SCARA3: variants seen among roughly 807,000 people sequenced by gnomAD.
SCARA3 encodes the protein scavenger receptor class A member 3, also known as cellular stress response gene protein.
Under a neutral mutation model 47.0 loss-of-function variants are expected in SCARA3, and 39 were observed. The observed-to-expected ratio is 0.83, with a 90% CI of 0.64 to 1.08. SCARA3 has a LOEUF of 1.08. Among genes scored for constraint, SCARA3 ranks in the 50% least tolerant of loss-of-function variants. The pLI is 0.00. For synonymous variants in SCARA3, 356 were observed against 334.1 expected, an observed-to-expected ratio of 1.07 and a Z score of -0.71; for missense variants, 724 against 792.3, an observed-to-expected ratio of 0.91 and a Z score of 1.04.
In SCARA3 at chr8:27,672,820, G is replaced by C; in HGVS notation, c.*1469G>C. The C allele has an allele frequency of 1.0e-6, 1 of 985,672 alleles. No individual in the cohort carries two copies. Among genetic ancestry groups the C allele is most frequent in the Non-Finnish European group, 1.2e-6 (1 of 830,110 alleles). The allele number at this position is 985,672 out of a possible 1,614,324, so 61.1% of individuals were successfully genotyped here. On this transcript the variant is annotated 3_prime_UTR_variant, in exon 6 of 6. Transcript: ENST00000301904. ...ACCCCCTCCACCGCCCGCAAGGTTA[G>C]GGCATAGAGTTGTCTCCTTCCCAAC...
At chr8:27,712,558 G>A in the SCARA3 span, among the ~76,000 whole-genome samples, 3 of 49,856 alleles carry the variant, frequency 6.0e-5, no homozygotes, top group Non-Finnish European at 1.1e-4. Context: ...GCGAGACTCC[G>A]TCTCAAAAAA....
At chr8:27,727,076 G>A in the SCARA3 span, among the ~76,000 whole-genome samples, 1 of 152,164 alleles carries the variant, frequency 6.6e-6, no homozygotes, top group Middle Eastern at 3.4e-3. Context: ...GCGCCCAGCC[G>A]ACAGCATTTA....
downstream of SCARA3, among the ~76,000 whole-genome samples, chr8:27,678,812 C>A (rs1383246063): frequency 6.6e-6 from 1 of 152,130 alleles, no homozygotes; most frequent in Non-Finnish European, 1.5e-5. Context: ...AAATTTTAGC[C>A]AATCAAATGC....
the SCARA3 span, among the ~76,000 whole-genome samples, chr8:27,706,606 G>C: frequency 6.6e-6 from 1 of 152,174 alleles, no homozygotes; most frequent in Non-Finnish European, 1.5e-5. Flanking sequence ...GAGGGAAGCT[G>C]TTGGAGGGAT....
At chr8:27,726,106 A>G in the SCARA3 span, among the ~76,000 whole-genome samples, 6 of 152,172 alleles carry the variant, frequency 3.9e-5, no homozygotes, top group South Asian at 2.1e-4. Flanking sequence ...CAACCTCCAC[A>G]GGCTATGAGT....
Position 27,658,908 on chromosome 8 carries a change from G to C in SCARA3, c.738G>C (p.Leu246=). ...GIQRKTDEET[L]TLQKIVTDWQ... is the part of the protein sequence containing the mutation. ...AGCGGAAGACAGACGAGGAGACCCT[G>C]ACCCTCCAGAAGATTGTCACCGACT... The change falls in exon 5 of 6, where the codon CTG becomes CTC. Residue 246 remains leucine, a synonymous_variant. Transcript: ENST00000301904. 1.9e-6 allele frequency: 3 copies of C among 1,614,156 alleles called. No homozygotes were observed. Among genetic ancestry groups the C allele is most frequent in the Non-Finnish European group, 1.7e-6 (2 of 1,180,026 alleles).
intron 3 of SCARA3, among the ~76,000 whole-genome samples, chr8:27,654,712 C>A (rs1373984656): frequency 6.6e-6 from 1 of 151,384 alleles, no homozygotes; most frequent in Non-Finnish European, 1.5e-5. Flanking sequence ...ATCACTTGAG[C>A]CCAGAAGATT....
the SCARA3 span, among the ~76,000 whole-genome samples, chr8:27,694,984 G>A: frequency 4.6e-5 from 7 of 152,116 alleles, no homozygotes; most frequent in East Asian, 1.9e-4. Flanking sequence ...TGAGGGTTTC[G>A]ATGCACATGC....
At chr8:27,704,374 A>T in the SCARA3 span, among the ~76,000 whole-genome samples, 1 of 152,136 alleles carries the variant, frequency 6.6e-6, no homozygotes, top group Non-Finnish European at 1.5e-5. Context: ...TGAGCCCAGG[A>T]AGTCAAGGCT....
At chr8:27,653,877 G>T (rs746935799) in intron 3 of SCARA3, among the ~76,000 whole-genome samples, 7 of 152,080 alleles carry the variant, frequency 4.6e-5, no homozygotes, top group Non-Finnish European at 4.4e-5. Flanking sequence ...AGGCTACATA[G>T]TAAATATTTT....
chr8:27,638,552 T>C (rs1364994975), intron 1 of SCARA3, among the ~76,000 whole-genome samples: 1 of 152,170 alleles, frequency 6.6e-6, no homozygotes, highest in Non-Finnish European at 1.5e-5. Context: ...GTCTGTTCAG[T>C]GTGCACATCT....
At chr8:27,657,540 CT>C (rs10548067) in intron 4 of SCARA3, among the ~76,000 whole-genome samples, 14,644 of 94,372 alleles carry the variant, frequency 0.16, 667 homozygotes, top group Middle Eastern at 0.24. Context: ...TGTATTCAAC[CT>C]TTTTTTTTTT....
chr8:27,692,085 C>T, the SCARA3 span, among the ~76,000 whole-genome samples: 7 of 152,106 alleles, frequency 4.6e-5, no homozygotes, highest in African/African-American at 1.7e-4. Context: ...TACCCTCCTC[C>T]CTTTGGAATT....
chr8:27,645,465 T>C (rs1801473587), intron 1 of SCARA3, among the ~76,000 whole-genome samples: 1 of 152,252 alleles, frequency 6.6e-6, no homozygotes, highest in African/African-American at 2.4e-5. Context: ...GGAAAGGTCT[T>C]GTCCCAGTTC....
chr8:27,674,066 A>C (rs1449569200), downstream of SCARA3, among the ~76,000 whole-genome samples: 1 of 152,138 alleles, frequency 6.6e-6, no homozygotes, highest in Non-Finnish European at 1.5e-5. Flanking sequence ...CTCCTACCAC[A>C]TATTTCTTGG....
chr8:27,669,055 AC>A (rs903588480), intron 5 of SCARA3, among the ~76,000 whole-genome samples: 4 of 152,066 alleles, frequency 2.6e-5, no homozygotes, highest in Non-Finnish European at 4.4e-5. Context: ...GAACTTGTCC[AC>A]CCAGAAGGCG....
At chr8:27,709,996 T>A in the SCARA3 span, among the ~76,000 whole-genome samples, 1 of 152,086 alleles carries the variant, frequency 6.6e-6, no homozygotes, top group South Asian at 2.1e-4. Context: ...TTTGGGAGGC[T>A]AAGGGGGGCG....
At chr8:27,728,157 G>A in the SCARA3 span, among the ~76,000 whole-genome samples, 1 of 152,240 alleles carries the variant, frequency 6.6e-6, no homozygotes, top group African/African-American at 2.4e-5. Context: ...GGAAGCAATA[G>A]CAGAAAGCTG....
At chr8:27,673,303 G>A (rs902351408), downstream of SCARA3, among the ~76,000 whole-genome samples, 8 of 152,262 alleles carry the variant, frequency 5.3e-5, no homozygotes, top group African/African-American at 1.7e-4. Flanking sequence ...TTGGAAAACA[G>A]GGCAGGCCTG....
Sources: allele counts gnomAD v4.1 joint callset (sites outside exome capture counted in the v4.1 genomes callset), GRCh38; gene constraint gnomAD v4.1.1; transcripts MANE v1.5; gene names NCBI Gene and HGNC (gene_info 2026-07-23, HGNC 2026-07-21).